Variants in COLEC10 observed in about 807,000 individuals in gnomAD.
COLEC10 encodes the protein collectin subfamily member 10, also known as collectin-10.
In COLEC10, 22 loss-of-function variants were observed where a neutral mutation model predicts 28.4. The observed-to-expected ratio is 0.78, with a 90% CI of 0.55 to 1.11. COLEC10 has a LOEUF of 1.11. Among genes scored for constraint, COLEC10 ranks in the 50% least tolerant of loss-of-function variants. The pLI is 0.00. For missense variants in COLEC10, 361 were observed against 344.1 expected (o/e 1.05, Z -0.39); for synonymous variants, 125 against 116.1 (o/e 1.08, Z -0.49).
At chr8:119,012,549 A>C in intron 2 of COLEC10, among the ~76,000 whole-genome samples, 1 of 150,042 alleles carries the variant, frequency 6.7e-6, no homozygotes, top group East Asian at 1.9e-4. Flanking sequence ...TTTTGGTATT[A>C]TTTCTTCCTG....
intron 2 of COLEC10, among the ~76,000 whole-genome samples, chr8:119,039,959 G>A (rs114922077): frequency 0.015 from 2,328 of 152,240 alleles, 73 homozygotes; most frequent in African/African-American, 0.053. Flanking sequence ...TCCCTTGGGT[G>A]TGTAATCTAA....
chr8:119,035,075 T>G (rs1452118435), intron 2 of COLEC10, among the ~76,000 whole-genome samples: 1 of 152,234 alleles, frequency 6.6e-6, no homozygotes, highest in Non-Finnish European at 1.5e-5. Flanking sequence ...ACCTTGAATG[T>G]TTAGCCTCTT....
At chr8:119,062,550 G>A (rs1230286279), upstream of COLEC10, among the ~76,000 whole-genome samples, 1 of 151,730 alleles carries the variant, frequency 6.6e-6, no homozygotes. Flanking sequence ...CATGATCTTG[G>A]CTCACTGCGA....
chr8:119,067,016 G>A (rs1479285399), upstream of COLEC10, among the ~76,000 whole-genome samples: 1 of 152,130 alleles, frequency 6.6e-6, no homozygotes, highest in South Asian at 2.1e-4. Context: ...TCTTGGGGAT[G>A]TTTCTACTGA....
chr8:119,007,369 T>A (rs1376144108), intron 1 of COLEC10, among the ~76,000 whole-genome samples: 1 of 151,928 alleles, frequency 6.6e-6, no homozygotes, highest in Non-Finnish European at 1.5e-5. Flanking sequence ...CTCTTTCAAT[T>A]TCCCAGTGCT....
upstream of COLEC10, among the ~76,000 whole-genome samples, chr8:119,064,136 A>G (rs940400433): frequency 6.6e-6 from 1 of 152,214 alleles, no homozygotes; most frequent in Non-Finnish European, 1.5e-5. Flanking sequence ...TAAAGACAAT[A>G]TACTTAACAT....
intron 3 of COLEC10, among the ~76,000 whole-genome samples, chr8:119,096,109 T>C (rs1364675951): frequency 1.3e-5 from 2 of 152,168 alleles, no homozygotes; most frequent in East Asian, 1.9e-4. Context: ...AAATCAATGG[T>C]TTATAGATCT....
chr8:119,105,691 T>G, intron 5 of COLEC10, 109 bp from the exon 6 acceptor site: 2 of 1,075,466 alleles, frequency 1.9e-6, no homozygotes, highest in Non-Finnish European at 2.6e-6. Flanking sequence ...CTTTGAAAAA[T>G]AATTCTTGAA....
At chr8:119,070,440 TCCC>T in intron 1 of COLEC10, among the ~76,000 whole-genome samples, 1 of 115,958 alleles carries the variant, frequency 8.6e-6, no homozygotes, top group East Asian at 3.2e-4. Context: ...TGAAATGTTC[TCCC>T]TCGCTCTCTC....
At chr8:119,014,043 A>G (rs549184194) in intron 2 of COLEC10, among the ~76,000 whole-genome samples, 110 of 150,836 alleles carry the variant, frequency 7.3e-4, no homozygotes, top group Non-Finnish European at 1.3e-3. Flanking sequence ...ACACAGACAC[A>G]TATACACACA....
rs985590646 is a variant in COLEC10, at chr8:119,073,441, T to G, written c.148+6012T>G. ...CTTTTCTGGTAACTATCAGAAAGGG[T>G]AAACAACTAGGTGTTTTCCCAAAAC... On this transcript the variant is annotated intron_variant, in intron 1 of 5. Coordinates refer to ENST00000332843, the MANE Select transcript of COLEC10 (RefSeq NM_006438.5). Among the ~76,000 whole-genome samples the G allele has an allele frequency of 2.0e-5, 3 of 152,346 alleles. No homozygotes were observed. In the East Asian group the frequency reaches 5.8e-4, roughly 29 times the overall value.
chr8:118,992,250 A>T (rs75352598), upstream of COLEC10, among the ~76,000 whole-genome samples: 4,430 of 152,242 alleles, frequency 0.029, 133 homozygotes, highest in East Asian at 0.17. Context: ...GTTGAAGTGA[A>T]AGGATCTTTT....
At chr8:118,954,184 A>G in the COLEC10 span, among the ~76,000 whole-genome samples, 1 of 152,170 alleles carries the variant, frequency 6.6e-6, no homozygotes, top group East Asian at 1.9e-4. Context: ...GATTCAGGGG[A>G]TTGGTAATTA....
chr8:119,087,605 C>T (rs1375519513), intron 1 of COLEC10, among the ~76,000 whole-genome samples: 1 of 152,084 alleles, frequency 6.6e-6, no homozygotes, highest in Non-Finnish European at 1.5e-5. Context: ...AAGTAATAAG[C>T]TGTTTTTTTT....
At chr8:119,050,121 T>C (rs16891911) in intron 2 of COLEC10, among the ~76,000 whole-genome samples, 6,106 of 152,288 alleles carry the variant, frequency 0.04, 174 homozygotes, top group East Asian at 0.16. Flanking sequence ...TTCATACATG[T>C]AAAGTACTTG....
At chr8:119,023,750 T>C (rs1281532959) in intron 2 of COLEC10, among the ~76,000 whole-genome samples, 1 of 152,198 alleles carries the variant, frequency 6.6e-6, no homozygotes, top group Non-Finnish European at 1.5e-5. Flanking sequence ...TCTCTATTTT[T>C]CAATCAACTT....
chr8:118,974,786 GT>G, the COLEC10 span, among the ~76,000 whole-genome samples: 1 of 151,994 alleles, frequency 6.6e-6, no homozygotes, highest in East Asian at 1.9e-4. Flanking sequence ...ATCTGAAAAA[GT>G]TATCCAACCT....
intron 2 of COLEC10, among the ~76,000 whole-genome samples, chr8:119,012,862 A>G (rs1042985559): frequency 6.7e-6 from 1 of 149,732 alleles, no homozygotes; most frequent in Admixed American, 6.6e-5. Context: ...CTCATTCTTC[A>G]TAGTTAGGCT....
chr8:119,040,642 C>G (rs1442312975), intron 2 of COLEC10, among the ~76,000 whole-genome samples: 1 of 152,132 alleles, frequency 6.6e-6, no homozygotes, highest in Non-Finnish European at 1.5e-5. Flanking sequence ...TAGTTGGGTC[C>G]TTTGCAGGAA....
Sources: gnomAD v4.1 joint callset for allele counts (sites outside exome capture counted in the v4.1 genomes callset) on GRCh38, gnomAD v4.1.1 for gene constraint, MANE v1.5 for transcripts, NCBI Gene and HGNC (gene_info 2026-07-23, HGNC 2026-07-21) for gene names.